Variants in PIK3C2G observed in about 807,000 individuals in gnomAD.
PIK3C2G encodes phosphatidylinositol 3-kinase C2 domain-containing subunit gamma.
PIK3C2G carries 168 observed loss-of-function variants against 181.1 expected under a neutral mutation model. That is an observed-to-expected ratio of 0.93 (90% CI 0.82 to 1.05). The LOEUF is 1.05. Among genes scored for constraint, PIK3C2G ranks in the 50% least tolerant of loss-of-function variants. The pLI is 0.00. For synonymous variants in PIK3C2G, 573 were observed against 592.2 expected (o/e 0.97, Z 0.47); for missense variants, 1,869 against 1,732.8 (o/e 1.08, Z -1.40).
intron 3 of PIK3C2G, among the ~76,000 whole-genome samples, chr12:18,290,614 G>A (rs1949649391): frequency 6.6e-6 from 1 of 152,110 alleles, no homozygotes; most frequent in African/African-American, 2.4e-5. Flanking sequence ...CAAATGAGAT[G>A]CTCCTGGGAA....
At chr12:18,604,828 A>T (rs1015955380) in intron 30 of PIK3C2G, among the ~76,000 whole-genome samples, 8 of 152,266 alleles carry the variant, frequency 5.3e-5, no homozygotes, top group East Asian at 3.9e-4. Flanking sequence ...GATGGAAATT[A>T]AAAAAATTCT....
intron 29 of PIK3C2G, among the ~76,000 whole-genome samples, chr12:18,578,296 C>T (rs750860132): frequency 1.1e-4 from 17 of 152,146 alleles, no homozygotes; most frequent in Non-Finnish European, 2.2e-4. Flanking sequence ...TATAACTTCA[C>T]ACGTTGGGTT....
intron 24 of PIK3C2G, among the ~76,000 whole-genome samples, chr12:18,533,799 T>C (rs7969452): frequency 0.78 from 119,156 of 151,942 alleles, 47,577 homozygotes; most frequent in East Asian, 0.96. Flanking sequence ...TACATATCTT[T>C]AGTTCAGTGG....
At chr12:18,347,952 G>C (rs1234878485) in intron 11 of PIK3C2G, among the ~76,000 whole-genome samples, 1 of 151,772 alleles carries the variant, frequency 6.6e-6, no homozygotes, top group Non-Finnish European at 1.5e-5. Flanking sequence ...ACACATATTT[G>C]TTTAGAATCC....
chr12:18,717,538 T>C, the PIK3C2G span, among the ~76,000 whole-genome samples: 2 of 152,200 alleles, frequency 1.3e-5, no homozygotes, highest in Non-Finnish European at 2.9e-5. Context: ...TGATAACTTC[T>C]GAATTCCACA....
rs1406419282 is a variant in PIK3C2G, at chr12:18,524,089, G to A, written c.3324-14067G>A. 3.3e-5 allele frequency among the ~76,000 whole-genome samples: 5 copies of A among 152,240 alleles called. No homozygotes were observed. The East Asian group carries it at 7.7e-4, about 24-fold the overall frequency. Reference sequence around the variant, plus strand: ...ACTCCTTTTCTTTTTTTCTAAATGAGCCCAGGTGGTTTAACCTTGTTGGTA... The same window carrying A: ...ACTCCTTTTCTTTTTTTCTAAATGAACCCAGGTGGTTTAACCTTGTTGGTA... On this transcript the variant is annotated intron_variant, in intron 24 of 32. Coordinates refer to ENST00000538779, the MANE Select transcript of PIK3C2G (RefSeq NM_001288772.2).
At chr12:18,714,757 G>C in the PIK3C2G span, 1 of 152,110 alleles carries the variant, frequency 6.6e-6, no homozygotes, top group Non-Finnish European at 1.5e-5. Context: ...ACTGGAGATA[G>C]GGAGAGGTTT....
At chr12:18,283,977 T>C (rs975263596) in intron 2 of PIK3C2G, among the ~76,000 whole-genome samples, 1 of 152,138 alleles carries the variant, frequency 6.6e-6, no homozygotes, top group Non-Finnish European at 1.5e-5. Context: ...TGAGCAGCAG[T>C]ATCACTGACT....
At chr12:18,389,228 C>T (rs1001041113) in intron 14 of PIK3C2G, among the ~76,000 whole-genome samples, 1 of 151,992 alleles carries the variant, frequency 6.6e-6, no homozygotes, top group Non-Finnish European at 1.5e-5. Context: ...TGGTGGGCAC[C>T]TGTAGTCCCA....
intron 18 of PIK3C2G, among the ~76,000 whole-genome samples, chr12:18,484,178 G>A (rs1410494951): frequency 6.6e-6 from 1 of 152,168 alleles, no homozygotes; most frequent in East Asian, 1.9e-4. Flanking sequence ...GGTACTGGAA[G>A]TCACATGACA....
chr12:18,382,873 G>A (rs1391304422), intron 14 of PIK3C2G, among the ~76,000 whole-genome samples: 1 of 152,106 alleles, frequency 6.6e-6, no homozygotes, highest in Non-Finnish European at 1.5e-5. Context: ...TGAGAAAGAT[G>A]CGCAGAAAAA....
chr12:18,607,094 C>A lies in PIK3C2G; in HGVS notation c.4088-2441C>A, dbSNP rs542177952. On this transcript the variant is annotated intron_variant, in intron 30 of 32. Coordinates refer to ENST00000538779, the MANE Select transcript of PIK3C2G (RefSeq NM_001288772.2). Reference sequence around the variant, plus strand: ...GACATATAAAATAATTACAATGTAACATTTCACGATAAGGGCTGTGCTAGG... The same window carrying A: ...GACATATAAAATAATTACAATGTAAAATTTCACGATAAGGGCTGTGCTAGG... The A allele has an allele frequency of 8.9e-5, 41 of 462,962 alleles. No homozygotes were observed. The East Asian group carries it at 2.0e-3, about 23-fold the overall frequency. 28.7% of individuals were successfully genotyped at this position (462,962 alleles called of 1,614,324 possible).
chr12:18,668,305 T>C, the PIK3C2G span, among the ~76,000 whole-genome samples: 1 of 152,220 alleles, frequency 6.6e-6, no homozygotes, highest in African/African-American at 2.4e-5. Context: ...CGGATAATAA[T>C]TCTTTGGAAA....
At chr12:18,474,873 C>G (rs560021733) in intron 18 of PIK3C2G, among the ~76,000 whole-genome samples, 1 of 151,736 alleles carries the variant, frequency 6.6e-6, no homozygotes, top group Non-Finnish European at 1.5e-5. Context: ...TCCTTTTTTC[C>G]GATCAGAAAA....
intron 12 of PIK3C2G, among the ~76,000 whole-genome samples, chr12:18,364,140 C>T (rs1464592817): frequency 6.6e-6 from 1 of 152,166 alleles, no homozygotes; most frequent in Non-Finnish European, 1.5e-5. Flanking sequence ...CCCCATTCCC[C>T]GTTCTTGCTA....
At chr12:18,572,817 T>C (rs568900952) in intron 29 of PIK3C2G, among the ~76,000 whole-genome samples, 1 of 151,714 alleles carries the variant, frequency 6.6e-6, no homozygotes, top group African/African-American at 2.4e-5. Context: ...AGTAGCTTCT[T>C]CTGACATAAC....
chr12:18,396,859 T>C (rs1943924128), intron 15 of PIK3C2G, among the ~76,000 whole-genome samples: 1 of 151,782 alleles, frequency 6.6e-6, no homozygotes, highest in Non-Finnish European at 1.5e-5. Flanking sequence ...TCCAAACTCA[T>C]CTATAAATAA....
chr12:18,599,618 T>C (rs1013927569), intron 30 of PIK3C2G, among the ~76,000 whole-genome samples: 31 of 151,636 alleles, frequency 2.0e-4, no homozygotes, highest in African/African-American at 7.3e-4. Flanking sequence ...CTGCACATTG[T>C]GTACATGTAC....
chr12:18,339,959 G>T (rs1302919195), intron 9 of PIK3C2G, among the ~76,000 whole-genome samples: 1 of 152,050 alleles, frequency 6.6e-6, no homozygotes, highest in Non-Finnish European at 1.5e-5. Context: ...ATCAAAGACA[G>T]ATTTGTGTTT....
Sources: gnomAD v4.1 joint callset for allele counts (sites outside exome capture counted in the v4.1 genomes callset) on GRCh38, gnomAD v4.1.1 for gene constraint, MANE v1.5 for transcripts, NCBI Gene and HGNC (gene_info 2026-07-23, HGNC 2026-07-21) for gene names.